The following HNRNPDL variants were observed in gnomAD, a reference collection of about 807,000 sequenced individuals.
HNRNPDL encodes heterogeneous nuclear ribonucleoprotein D-like.
Under a neutral mutation model 48.0 loss-of-function variants are expected in HNRNPDL, and 18 were observed. The ratio of observed to expected loss-of-function variants is 0.38; its 90% CI spans 0.26 to 0.56. The LOEUF (loss-of-function observed/expected upper bound fraction) is 0.56, where lower values mean the gene tolerates loss of function less well. Ranked by LOEUF, HNRNPDL falls within the 20% of genes least tolerant of loss-of-function variation. The pLI, the probability that HNRNPDL is intolerant of heterozygous loss-of-function variation, is 0.77. For missense variants in HNRNPDL, 553 were observed against 540.7 expected (o/e 1.02, Z -0.23); for synonymous variants, 306 against 207.3 (o/e 1.48, Z -4.09).
chr4:82,429,418 T>C lies in HNRNPDL; in HGVS notation c.273A>G (p.Lys91=), dbSNP rs372961029. 11 of 1,612,706 alleles carry C rather than the reference T, an allele frequency of 6.8e-6. No homozygotes were observed. The highest frequency in any genetic ancestry group is 5.4e-5 in the African/African-American group (4 of 74,758). The change falls in exon 1 of 8, where the codon AAA becomes AAG. Residue 91 remains lysine, a synonymous_variant. Transcript: ENST00000295470. ...CGGCGGAGCGTTGTATGGAGCTGGA[T>C]TTAAAATGGCGGCGGAAGAGATCCG... ...RRPDLFRRHF[K]SSSIQRSAAA...
Position 82,429,924 on chromosome 4 carries a change from C to T in HNRNPDL, c.-234G>A, listed in dbSNP as rs960725671. On this transcript the variant is annotated 5_prime_UTR_variant, in exon 1 of 8. Transcript: ENST00000295470. Reference sequence around the variant, plus strand: ...CCGCCTTTTTCTGCCCTCGGTTCGCCAGTGCGGAGCCGCTGCGGCGGCCGC... The same window carrying T: ...CCGCCTTTTTCTGCCCTCGGTTCGCTAGTGCGGAGCCGCTGCGGCGGCCGC... 7 of 356,850 alleles carry T rather than the reference C, an allele frequency of 2.0e-5. No individual in the cohort carries two copies. The highest frequency in any genetic ancestry group is 3.5e-5 in the Non-Finnish European group (7 of 199,912). The allele number at this position is 356,850 out of a possible 1,614,324, so 22.1% of individuals were successfully genotyped here.
chr4:82,428,612 C>A (rs1304451638), intron 1 of HNRNPDL, among the ~76,000 whole-genome samples, 166 bp from the exon 2 acceptor site: 1 of 152,194 alleles, frequency 6.6e-6, no homozygotes, highest in Non-Finnish European at 1.5e-5. Context: ...AATATCCCAA[C>A]GAAGTTACTC....
intron 6 of HNRNPDL, 43 bp from the exon 7 acceptor site, chr4:82,426,172 A>G (rs1305932193): frequency 6.6e-7 from 1 of 1,512,324 alleles, no homozygotes; most frequent in East Asian, 2.3e-5. Flanking sequence ...AGTTTTCTAC[A>G]AAACTTTCTT....
intron 3 of HNRNPDL, 140 bp downstream of exon 3, chr4:82,427,878 G>T: frequency 1.2e-6 from 1 of 828,932 alleles, no homozygotes; most frequent in Non-Finnish European, 1.9e-6. Context: ...ATGAAATCAA[G>T]GTACAGTCAC....
rs375343775 is a variant in HNRNPDL at position 82,429,711 on chromosome 4, G to A, written c.-21C>T. 1.3e-5 allele frequency: 17 copies of A among 1,346,428 alleles called. No homozygotes were observed. Among genetic ancestry groups the A allele is most frequent in the South Asian group, 5.9e-5 (3 of 51,136 alleles). 83.4% of individuals were successfully genotyped at this position (1,346,428 alleles called of 1,614,324 possible). A position where few individuals can be genotyped will look rare whatever the true frequency, so the allele number is the denominator to read the frequency against. On this transcript the variant is annotated 5_prime_UTR_variant, in exon 1 of 8. Transcript: ENST00000295470. Reference sequence around the variant, plus strand: ...TCCATCGCGGCCCTCCCGGCAAGGAGAGAGGCCACGCGTGAGGGGACGCGG... The same window carrying A: ...TCCATCGCGGCCCTCCCGGCAAGGAAAGAGGCCACGCGTGAGGGGACGCGG...
Position 82,428,396 on chromosome 4 carries a change from G to A in HNRNPDL, c.494C>T (p.Thr165Ile). The change falls in exon 2 of 8, where the codon ACA becomes ATA. Residue 165 changes from threonine (T) to isoleucine (I), a missense_variant. Coordinates refer to ENST00000295470, the MANE Select transcript of HNRNPDL (RefSeq NM_031372.4). ...LSWDTSKKDLTEYLSRFGEVV... is the reference protein window; with the variant it reads ...LSWDTSKKDLIEYLSRFGEVV... ...TTCCCCAAATCGAGACAAGTACTCTGTCAGATCTTTTTTGCTTGTATCCCA... is the reference window on the plus strand; with the variant it reads ...TTCCCCAAATCGAGACAAGTACTCTATCAGATCTTTTTTGCTTGTATCCCA... 1 of 1,612,916 alleles carries A rather than the reference G, an allele frequency of 6.2e-7. No homozygotes were observed. The highest frequency in any genetic ancestry group is 1.7e-5 in the Admixed American group (1 of 60,004).
Position 82,423,979 on chromosome 4 carries a change from A to G in HNRNPDL, c.*927T>C, listed in dbSNP as rs1721307296. The G allele has an allele frequency of 1.3e-5, 2 of 152,236 alleles. No homozygotes were observed. Among genetic ancestry groups the G allele is most frequent in the Admixed American group, 6.5e-5 (1 of 15,280 alleles). 9.4% of individuals were successfully genotyped at this position (152,236 alleles called of 1,614,324 possible). A position where few individuals can be genotyped will look rare whatever the true frequency, so the allele number is the denominator to read the frequency against. ...AACTTCCTCAGGATGCCCAAACAGA[A>G]AACATTTTGTTCAATCTTGTGGCGG... On this transcript the variant is annotated 3_prime_UTR_variant, in exon 8 of 8. Coordinates refer to ENST00000295470, the MANE Select transcript of HNRNPDL (RefSeq NM_031372.4).
intron 7 of HNRNPDL, chr4:82,425,698 A>C: frequency 4.6e-6 from 1 of 218,440 alleles, no homozygotes; most frequent in Admixed American, 5.2e-5. Flanking sequence ...ATAATGTCAG[A>C]GTTAGAAGAC....
Position 82,426,426 on chromosome 4 carries a change from T to C in HNRNPDL, c.1192+37A>G, listed in dbSNP as rs200481104. On this transcript the variant is annotated intron_variant, in intron 6 of 7. Transcript: ENST00000295470. The stretch of plus-strand genomic sequence containing the variant: ...ATTGTATGTTAACAATGAATTTTAA[T>C]ACCACTGCTTTATAAAATTAAGTTA... 8 of 1,543,092 alleles carry C rather than the reference T, an allele frequency of 5.2e-6. No individual in the cohort carries two copies. In the African/African-American group the frequency reaches 6.8e-5, roughly 13 times the overall value.
rs778331553 is a variant in HNRNPDL at position 82,427,412 on chromosome 4, A to G, written c.906+21T>C. 2.1e-5 allele frequency: 33 copies of G among 1,566,538 alleles called. No individual in the cohort carries two copies. The Admixed American group carries it at 3.8e-4, about 18-fold the overall frequency. On this transcript the variant is annotated intron_variant, in intron 4 of 7. Coordinates refer to ENST00000295470, the MANE Select transcript of HNRNPDL (RefSeq NM_031372.4). ...ATTTCAATTATTTAAATTTTCATTT[A>G]AAGTGCTTAAATGGCTTTACCTTCC...
Position 82,423,238 on chromosome 4 carries a change from A to C in HNRNPDL, c.*1668T>G, listed in dbSNP as rs1441817837. On this transcript the variant is annotated 3_prime_UTR_variant, in exon 8 of 8. Coordinates refer to ENST00000295470, the MANE Select transcript of HNRNPDL (RefSeq NM_031372.4). Reference sequence around the variant, plus strand: ...TTAAAAAGGCTTTATTCATTTTTTGATCAGGGAAAAGGACAATCTCAATGT... The same window carrying C: ...TTAAAAAGGCTTTATTCATTTTTTGCTCAGGGAAAAGGACAATCTCAATGT... 2 of 152,150 alleles carry C rather than the reference A, an allele frequency of 1.3e-5. No individual in the cohort carries two copies. Among genetic ancestry groups the C allele is most frequent in the Non-Finnish European group, 1.5e-5 (1 of 68,026 alleles). The allele number at this position is 152,150 out of a possible 1,614,324, so 9.4% of individuals were successfully genotyped here.
rs1015391012 is a variant in HNRNPDL, at chr4:82,429,449, C to T, written c.242G>A (p.Arg81Gln). ...GGAAIKGGRR[R>Q]RPDLFRRHFK... Reference sequence around the variant, plus strand: ...ATGGCGGCGGAAGAGATCCGGGCGCCGCCTGCGCCCTCCCTTTATAGCCGC... The same window carrying T: ...ATGGCGGCGGAAGAGATCCGGGCGCTGCCTGCGCCCTCCCTTTATAGCCGC... Residue 81 changes from arginine (R) to glutamine (Q), a missense_variant, in exon 1 of 8, where the codon CGG becomes CAG. Arg to Gln is a conservative substitution (Grantham distance 43). Transcript: ENST00000295470. 11 of 1,607,904 alleles carry T rather than the reference C, an allele frequency of 6.8e-6. No homozygotes were observed. Among genetic ancestry groups the T allele is most frequent in the South Asian group, 4.4e-5 (4 of 90,896 alleles).
In HNRNPDL at chr4:82,429,335, G is replaced by C. The variant is rs75779369; in HGVS notation, c.356C>G (p.Thr119Ser). The change falls in exon 1 of 8, where the codon ACT (threonine) becomes AGT (serine). Residue 119 changes from threonine to serine, a missense_variant. Physicochemically the swap from Thr to Ser is moderately conservative, Grantham distance 58 (BLOSUM62 1). Around this residue, in one of 4 missense-constraint regions of HNRNPDL, gnomAD observed 327 missense variants for 203.2 expected, o/e 1.61. Coordinates refer to ENST00000295470, the MANE Select transcript of HNRNPDL (RefSeq NM_031372.4). ...RQHPPADSSV[T>S]MEDMNEYSNI... The stretch of plus-strand genomic sequence containing the variant: ...GCTGTACTCGTTCATATCCTCCATA[G>C]TGACGGAGCTGTCGGCAGGGGGGTG... 6.2e-7 allele frequency: 1 copy of C among 1,613,774 alleles called. No homozygotes were observed. The highest frequency in any genetic ancestry group is 2.2e-5 in the East Asian group (1 of 44,836).
chr4:82,427,687 G>A (rs1251419721), intron 3 of HNRNPDL, 123 bp from the exon 4 acceptor site: 5 of 831,610 alleles, frequency 6.0e-6, no homozygotes, highest in Middle Eastern at 3.5e-4. Flanking sequence ...CTTCTATACA[G>A]ACATCACTGC....
intron 3 of HNRNPDL, 125 bp downstream of exon 3, chr4:82,427,893 A>C (rs563429588): frequency 1.1e-6 from 1 of 934,140 alleles, no homozygotes; most frequent in South Asian, 1.7e-5. Context: ...AGTCACTGGA[A>C]GCGACTTGAG....
intron 1 of HNRNPDL, among the ~76,000 whole-genome samples, chr4:82,429,037 C>T (rs1721555729): frequency 6.6e-6 from 1 of 152,092 alleles, no homozygotes; most frequent in South Asian, 2.1e-4. Context: ...CCCTCCTCCT[C>T]CAACCCCTCC....
At chr4:82,427,406 T>G (rs1313816420) in intron 4 of HNRNPDL, 27 bp downstream of exon 4, 2 of 1,554,440 alleles carry the variant, frequency 1.3e-6, no homozygotes, top group African/African-American at 2.8e-5. Flanking sequence ...ATTTAAATTT[T>G]CATTTAAAGT....
rs771120108 is a variant in HNRNPDL, at chr4:82,429,577, T to C, written c.114A>G (p.Leu38=). 237 of 1,389,594 alleles carry C rather than the reference T, an allele frequency of 1.7e-4. No individual in the cohort carries two copies. The highest frequency in any genetic ancestry group is 2.1e-4 in the Non-Finnish European group (224 of 1,075,970). The allele number at this position is 1,389,594 out of a possible 1,614,324, so 86.1% of individuals were successfully genotyped here. ...SHWRPRPPRQ[L]APLLPSLAPS... is the part of the protein sequence containing the mutation. ...GAGCGAGCGAAGGGAGGAGCGGGGC[T>C]AGCTGCCGCGGCGGCCGCGGCCGCC... Residue 38 remains leucine (L), a synonymous_variant, in exon 1 of 8, where the codon CTA becomes CTG. Transcript: ENST00000295470.
chr4:82,423,505 A>G lies in HNRNPDL; in HGVS notation c.*1401T>C, dbSNP rs1355073333. 2 of 152,164 alleles carry G rather than the reference A, an allele frequency of 1.3e-5. No homozygotes were observed. The highest frequency in any genetic ancestry group is 2.9e-5 in the Non-Finnish European group (2 of 68,022). The allele number at this position is 152,164 out of a possible 1,614,324, so 9.4% of individuals were successfully genotyped here. On this transcript the variant is annotated 3_prime_UTR_variant, in exon 8 of 8. Coordinates refer to ENST00000295470, the MANE Select transcript of HNRNPDL (RefSeq NM_031372.4). ...TAGCCCAGGAAGTAGAATCATTGTT[A>G]AGAAAGTTGCAGGCACCAAATTAAA...
Sources: allele counts gnomAD v4.1 joint callset (sites outside exome capture counted in the v4.1 genomes callset), GRCh38; gene constraint gnomAD v4.1.1; regional missense constraint gnomAD v4.1.1; transcripts MANE v1.5; gene names NCBI Gene and HGNC (gene_info 2026-07-23, HGNC 2026-07-21).